Variants in CAB39L observed in about 807,000 individuals in gnomAD.
The protein encoded by CAB39L is calcium-binding protein 39-like.
Under a neutral mutation model 39.1 loss-of-function variants are expected in CAB39L, and 23 were observed. The observed-to-expected ratio is 0.59, with a 90% confidence interval of 0.42 to 0.83. The LOEUF (loss-of-function observed/expected upper bound fraction) is 0.83, where lower values mean the gene tolerates loss of function less well. Ranked by LOEUF, CAB39L falls within the 40% of genes least tolerant of loss-of-function variation. The pLI, the probability that CAB39L is intolerant of heterozygous loss-of-function variation, is 0.00. For synonymous variants in CAB39L, 126 were observed against 137.2 expected (o/e 0.92, Z 0.57); for missense variants, 366 against 391.9 (o/e 0.93, Z 0.56).
chr13:49,332,694 C>T (rs1954744213), intron 9 of CAB39L, among the ~76,000 whole-genome samples: 1 of 151,842 alleles, frequency 6.6e-6, no homozygotes, highest in Non-Finnish European at 1.5e-5. Context: ...TACCCTAAAA[C>T]AAAATAAAAA....
intron 4 of CAB39L, among the ~76,000 whole-genome samples, chr13:49,379,537 T>C (rs1956207368): frequency 2.1e-5 from 1 of 47,754 alleles, no homozygotes; most frequent in Non-Finnish European, 4.0e-5. Context: ...TAATCTCAAG[T>C]AATCAGGGAC....
chr13:49,388,480 C>T (rs1208316439), intron 3 of CAB39L, among the ~76,000 whole-genome samples: 2 of 152,046 alleles, frequency 1.3e-5, no homozygotes, highest in East Asian at 3.8e-4. Context: ...CCAAATGCCC[C>T]AAGGCCATGG....
intron 10 of CAB39L, among the ~76,000 whole-genome samples, chr13:49,319,413 A>T (rs931590899): frequency 8.5e-5 from 13 of 152,178 alleles, no homozygotes; most frequent in African/African-American, 3.1e-4. Flanking sequence ...GCCAGAAAGC[A>T]GACTAATGAT....
chr13:49,357,310 A>C (rs886864462), intron 6 of CAB39L, among the ~76,000 whole-genome samples: 1 of 152,200 alleles, frequency 6.6e-6, no homozygotes, highest in Admixed American at 6.5e-5. Context: ...CATCTGTAAA[A>C]TGGTAAAAAA....
chr13:49,346,120 T>TATATATATATATATATATATAG (rs10663110), intron 7 of CAB39L, among the ~76,000 whole-genome samples: 1 of 88,482 alleles, frequency 1.1e-5, no homozygotes, highest in African/African-American at 4.5e-5. Context: ...TATATATATA[T>TATATATATATATATATATATAG]ATATCATGGA....
At chr13:49,373,138 CA>C (rs1955964937) in intron 5 of CAB39L, among the ~76,000 whole-genome samples, 1 of 152,208 alleles carries the variant, frequency 6.6e-6, no homozygotes, top group Non-Finnish European at 1.5e-5. Flanking sequence ...TTCCTTTTGT[CA>C]TGGTTCTGGA....
chr13:49,406,445 A>T (rs1390786725), intron 3 of CAB39L, among the ~76,000 whole-genome samples: 2 of 149,332 alleles, frequency 1.3e-5, no homozygotes, highest in African/African-American at 5.0e-5. Flanking sequence ...CTCCCAAAGC[A>T]CTGGGATTAC....
chr13:49,433,519 A>C, intron 2 of CAB39L, 126 bp from the exon 3 acceptor site: 1 of 365,824 alleles, frequency 2.7e-6, no homozygotes. Flanking sequence ...ATACTAATAC[A>C]TCAAATTAAA....
intron 3 of CAB39L, among the ~76,000 whole-genome samples, chr13:49,421,039 G>A (rs1431369020): frequency 6.6e-6 from 1 of 152,150 alleles, no homozygotes; most frequent in Non-Finnish European, 1.5e-5. Flanking sequence ...GATTCTGAAA[G>A]GTGGAGAGAC....
chr13:49,348,726 T>C (rs574513697), intron 7 of CAB39L, among the ~76,000 whole-genome samples: 2 of 152,362 alleles, frequency 1.3e-5, no homozygotes, highest in Admixed American at 1.3e-4. Context: ...TCCAGAGTTC[T>C]TGTCAATTAA....
At chr13:49,430,814 C>T (rs1413063172) in intron 3 of CAB39L, among the ~76,000 whole-genome samples, 2 of 152,146 alleles carry the variant, frequency 1.3e-5, no homozygotes, top group African/African-American at 4.8e-5. Context: ...ATCTTTGAAG[C>T]CTAATTCGTA....
intron 5 of CAB39L, among the ~76,000 whole-genome samples, chr13:49,371,251 G>A (rs1205507345): frequency 3.4e-5 from 5 of 147,328 alleles, no homozygotes; most frequent in South Asian, 2.1e-4. Context: ...GCAATGGTGC[G>A]ATCTTGGCTC....
At chr13:49,426,898 T>C (rs1446537830) in intron 3 of CAB39L, among the ~76,000 whole-genome samples, 2 of 152,214 alleles carry the variant, frequency 1.3e-5, no homozygotes, top group South Asian at 4.1e-4. Flanking sequence ...TACGAACTTA[T>C]GAAGGTTGAG....
intron 1 of CAB39L, among the ~76,000 whole-genome samples, chr13:49,434,767 A>ATAC (rs986379139): frequency 6.6e-6 from 1 of 152,124 alleles, no homozygotes; most frequent in African/African-American, 2.4e-5. Flanking sequence ...CAGCACATCA[A>ATAC]TACTACTACT....
At chr13:49,429,567 G>C (rs560301121) in intron 3 of CAB39L, among the ~76,000 whole-genome samples, 6 of 152,014 alleles carry the variant, frequency 3.9e-5, no homozygotes, top group Non-Finnish European at 1.5e-5. Context: ...ACCACAAATT[G>C]GCTGACTGGG....
At chr13:49,403,720 T>A (rs183167715) in intron 3 of CAB39L, among the ~76,000 whole-genome samples, 1 of 152,232 alleles carries the variant, frequency 6.6e-6, no homozygotes, top group Admixed American at 6.5e-5. Context: ...GAATGAAGTG[T>A]TGCCTAACTC....
chr13:49,426,782 C>T (rs1316748069), intron 3 of CAB39L, among the ~76,000 whole-genome samples: 2 of 152,162 alleles, frequency 1.3e-5, no homozygotes, highest in South Asian at 4.1e-4. Flanking sequence ...CCACTCTAAG[C>T]CACTCTTGAG....
At chr13:49,324,309 T>G (rs1032323832) in intron 10 of CAB39L, among the ~76,000 whole-genome samples, 19 of 152,044 alleles carry the variant, frequency 1.2e-4, no homozygotes, top group Admixed American at 1.0e-3. Context: ...AGAGCGAGAC[T>G]CTGTCTCAAA....
At chr13:49,393,158 A>T (rs192038661) in intron 3 of CAB39L, 1 of 152,304 alleles carries the variant, frequency 6.6e-6, no homozygotes, top group East Asian at 1.9e-4. Context: ...CAATATGATT[A>T]TATACCTAAA....
Sources: gnomAD v4.1 joint callset for allele counts (sites outside exome capture counted in the v4.1 genomes callset) on GRCh38, gnomAD v4.1.1 for gene constraint, MANE v1.5 for transcripts, NCBI Gene and HGNC (gene_info 2026-07-23, HGNC 2026-07-21) for gene names.